SLC4A10: variants seen among roughly 807,000 people sequenced by gnomAD.
SLC4A10 encodes the protein sodium-driven chloride bicarbonate exchanger.
SLC4A10 carries 42 observed loss-of-function variants against 137.7 expected under a neutral mutation model. The observed-to-expected ratio is 0.30, with a 90% CI of 0.24 to 0.39. The LOEUF is 0.39. Among genes scored for constraint, SLC4A10 ranks in the 10% least tolerant of loss-of-function variants. SLC4A10 has a pLI of 1.00. For missense variants in SLC4A10, 925 were observed against 1,355.0 expected, an observed-to-expected ratio of 0.68 and a Z score of 4.98; for synonymous variants, 474 against 464.1, an observed-to-expected ratio of 1.02 and a Z score of -0.27.
intron 9 of SLC4A10, among the ~76,000 whole-genome samples, chr2:161,881,807 A>G (rs1282869819): frequency 6.6e-6 from 1 of 152,038 alleles, no homozygotes; most frequent in East Asian, 1.9e-4. Context: ...CCTCAGCATT[A>G]TAAATAATAG....
intron 1 of SLC4A10, among the ~76,000 whole-genome samples, chr2:161,701,555 A>G (rs1448719757): frequency 1.3e-5 from 2 of 151,994 alleles, no homozygotes; most frequent in African/African-American, 4.8e-5. Context: ...CACCTCAAAC[A>G]GTTATCTTTT....
intron 2 of SLC4A10, among the ~76,000 whole-genome samples, chr2:161,789,612 C>T (rs1377559820): frequency 6.6e-6 from 1 of 152,018 alleles, no homozygotes; most frequent in African/African-American, 2.4e-5. Context: ...AAGAATTTTT[C>T]AGCCCTATTA....
At chr2:161,969,446 A>G (rs1698141924) in intron 23 of SLC4A10, among the ~76,000 whole-genome samples, 1 of 152,198 alleles carries the variant, frequency 6.6e-6, no homozygotes, top group African/African-American at 2.4e-5. Flanking sequence ...AGACTGCAGA[A>G]TCAAATTCTG....
At chr2:161,953,159 T>G (rs990457201) in intron 19 of SLC4A10, among the ~76,000 whole-genome samples, 14 of 152,222 alleles carry the variant, frequency 9.2e-5, no homozygotes, top group African/African-American at 3.4e-4. Context: ...CTCCACATCA[T>G]GTATCTAAGT....
intron 1 of SLC4A10, among the ~76,000 whole-genome samples, chr2:161,640,314 C>A (rs1023301218): frequency 5.3e-5 from 8 of 152,058 alleles, no homozygotes; most frequent in Non-Finnish European, 1.0e-4. Context: ...TCTGGTACCA[C>A]AGAGTTTTTC....
intron 1 of SLC4A10, among the ~76,000 whole-genome samples, chr2:161,667,057 T>C (rs2039131144): frequency 2.0e-5 from 3 of 151,668 alleles, no homozygotes; most frequent in Admixed American, 6.6e-5. Flanking sequence ...CTGTTATTTA[T>C]ATTGGGCTAA....
At chr2:161,867,575 G>C (rs1051995226) in intron 6 of SLC4A10, among the ~76,000 whole-genome samples, 3 of 151,980 alleles carry the variant, frequency 2.0e-5, no homozygotes, top group Non-Finnish European at 4.4e-5. Flanking sequence ...TACAGTTTTG[G>C]AATGTCAAGA....
intron 1 of SLC4A10, among the ~76,000 whole-genome samples, chr2:161,699,060 C>T (rs950241231): frequency 7.9e-5 from 12 of 152,090 alleles, no homozygotes; most frequent in African/African-American, 2.9e-4. Context: ...CGCTCTGTCG[C>T]CCAGGCTGGA....
At chr2:161,927,348 C>T (rs946849212) in intron 15 of SLC4A10, among the ~76,000 whole-genome samples, 19 of 152,158 alleles carry the variant, frequency 1.2e-4, no homozygotes, top group Non-Finnish European at 8.8e-5. Context: ...CAGTTGATCA[C>T]ATCAGCTCCT....
intron 5 of SLC4A10, among the ~76,000 whole-genome samples, chr2:161,857,821 T>TA (rs2060190839): frequency 6.6e-6 from 1 of 152,122 alleles, no homozygotes; most frequent in African/African-American, 2.4e-5. Context: ...AACAGATAAA[T>TA]AGAAAGTTCT....
Position 161,879,306 on chromosome 2 carries a change from G to A in SLC4A10, c.1106+18G>A, listed in dbSNP as rs776827531. ...CCAACCAGGTAAAAAGTATAAAAGC[G>A]TCTTTTGTATTTTTCTTAAACCATC... is the stretch of plus-strand genomic sequence containing the variant. On this transcript the variant is annotated intron_variant, in intron 9 of 26. Transcript: ENST00000446997. 3.2e-6 allele frequency: 5 copies of A among 1,580,496 alleles called. No homozygotes were observed. The highest frequency in any genetic ancestry group is 1.2e-5 in the South Asian group (1 of 85,092).
rs543786840 is a variant in SLC4A10, at chr2:161,871,312, G to A, written c.767-981G>A. Among the ~76,000 whole-genome samples the A allele has an allele frequency of 3.5e-4, 53 of 151,844 alleles. No individual in the cohort carries two copies. In the South Asian group the frequency reaches 6.0e-3, roughly 17 times the overall value. ...AGTATTTCTAACATCTACAACTGACGTGAATAAAAGCAGTATTTTGAGTCA... is the reference window on the plus strand; with the variant it reads ...AGTATTTCTAACATCTACAACTGACATGAATAAAAGCAGTATTTTGAGTCA... On this transcript the variant is annotated intron_variant, in intron 6 of 26. Coordinates refer to ENST00000446997, the MANE Select transcript of SLC4A10 (RefSeq NM_001178015.2).
At chr2:161,755,849 C>A (rs2049571893) in intron 1 of SLC4A10, among the ~76,000 whole-genome samples, 1 of 151,384 alleles carries the variant, frequency 6.6e-6, no homozygotes, top group African/African-American at 2.4e-5. Flanking sequence ...CGGCTCACTG[C>A]AACCTCTGCC....
chr2:161,748,287 ACC>A (rs1376710727), intron 1 of SLC4A10, among the ~76,000 whole-genome samples: 1 of 152,036 alleles, frequency 6.6e-6, no homozygotes, highest in Non-Finnish European at 1.5e-5. Context: ...ATGTAGGTCT[ACC>A]TGTTCATTTT....
chr2:161,921,382 T>C (rs935151580), intron 15 of SLC4A10, among the ~76,000 whole-genome samples: 15 of 152,104 alleles, frequency 9.9e-5, no homozygotes, highest in African/African-American at 3.6e-4. Context: ...TCATGGATCA[T>C]GACAAGGCTC....
chr2:161,772,811 A>G (rs138845169), intron 2 of SLC4A10, among the ~76,000 whole-genome samples: 120 of 152,048 alleles, frequency 7.9e-4, no homozygotes, highest in African/African-American at 2.8e-3. Flanking sequence ...TAAATAAACA[A>G]TCTAGCATTT....
At chr2:161,696,627 A>G (rs1217466578) in intron 1 of SLC4A10, among the ~76,000 whole-genome samples, 1 of 151,312 alleles carries the variant, frequency 6.6e-6, no homozygotes, top group African/African-American at 2.4e-5. Context: ...TCTACAAAGG[A>G]CATGAACTCA....
At chr2:161,631,753 A>G (rs1410526672) in intron 1 of SLC4A10, among the ~76,000 whole-genome samples, 2 of 151,716 alleles carry the variant, frequency 1.3e-5, no homozygotes, top group Non-Finnish European at 3.0e-5. Context: ...CCATTTATAT[A>G]GTGGTTCCTA....
chr2:161,734,647 GAC>G (rs2047147441), intron 1 of SLC4A10, among the ~76,000 whole-genome samples: 1 of 151,982 alleles, frequency 6.6e-6, no homozygotes. Context: ...TTTTAAACGA[GAC>G]ACAATTAGTT....
Sources: gnomAD v4.1 joint callset for allele counts (sites outside exome capture counted in the v4.1 genomes callset) on GRCh38, gnomAD v4.1.1 for gene constraint, MANE v1.5 for transcripts, NCBI Gene and HGNC (gene_info 2026-07-23, HGNC 2026-07-21) for gene names.